Variants in DOCK8 observed in about 807,000 individuals in gnomAD.
DOCK8 encodes dedicator of cytokinesis protein 8.
DOCK8 carries 141 observed loss-of-function variants against 245.6 expected under a neutral mutation model. That is an observed-to-expected ratio of 0.57 (90% CI 0.50 to 0.66). The LOEUF is 0.66. DOCK8 is among the 30% of genes least tolerant of loss of function. DOCK8 has a pLI of 0.00. For missense variants in DOCK8, 2,965 were observed against 2,603.4 expected, an observed-to-expected ratio of 1.14 and a Z score of -3.02; for synonymous variants, 1,168 against 970.2, an observed-to-expected ratio of 1.20 and a Z score of -3.79.
At chr9:214,512 C>A (rs748123714), upstream of DOCK8, 8 of 1,612,790 alleles carry the variant, frequency 5.0e-6, no homozygotes, top group Non-Finnish European at 6.8e-6. Flanking sequence ...CCTAGCCTTA[C>A]GAATCCCTGG....
intron 28 of DOCK8, among the ~76,000 whole-genome samples, chr9:414,131 C>CAA (rs199980516): frequency 0.16 from 21,245 of 136,028 alleles, 1,653 homozygotes; most frequent in Admixed American, 0.18. Flanking sequence ...AACTCCATGT[C>CAA]AAAAAAAAAA....
In DOCK8 at chr9:377,190, A is replaced by G. The variant is rs755092523; in HGVS notation, c.2419A>G (p.Met807Val). 5.6e-6 allele frequency: 9 copies of G among 1,597,468 alleles called. No homozygotes were observed. Among genetic ancestry groups the G allele is most frequent in the East Asian group, 4.5e-5 (2 of 44,688 alleles). ...GCTCTTCCAGCTGTCCGTGCAGCCC[A>G]TGGTCATCGCTGGCCAGACAGGTAT... ...DKLFQLSVQP[M>V]VIAGQTANFS... The change falls in exon 20 of 48, where the codon ATG becomes GTG. Residue 807 changes from methionine (M) to valine (V), a missense_variant. Physicochemically the swap from Met to Val is conservative, Grantham distance 21. Transcript: ENST00000432829.
At chr9:255,115 T>TA (rs1563844227) in intron 1 of DOCK8, among the ~76,000 whole-genome samples, 3 of 151,802 alleles carry the variant, frequency 2.0e-5, no homozygotes, top group African/African-American at 7.3e-5. Flanking sequence ...TTAAGTTCTC[T>TA]AAAAAAAGAA....
intron 5 of DOCK8, among the ~76,000 whole-genome samples, chr9:309,498 A>T (rs558590650): frequency 6.6e-6 from 1 of 152,198 alleles, no homozygotes; most frequent in African/African-American, 2.4e-5. Context: ...GTCCTACAAC[A>T]TATAGTTGAT....
chr9:251,678 T>G (rs1449157053), intron 1 of DOCK8, among the ~76,000 whole-genome samples: 2 of 152,290 alleles, frequency 1.3e-5, no homozygotes, highest in South Asian at 2.1e-4. Flanking sequence ...TAACCTTTCT[T>G]GGCTTCAGTT....
rs1318534289 is a variant in DOCK8 at position 214,881 on chromosome 9, G to A, written c.-96G>A. 5 of 1,601,838 alleles carry A rather than the reference G, an allele frequency of 3.1e-6. No homozygotes were observed. In the Admixed American group the frequency reaches 5.1e-5, roughly 16 times the overall value. On this transcript the variant is annotated 5_prime_UTR_variant, in exon 1 of 48. Coordinates refer to ENST00000432829, the MANE Select transcript of DOCK8 (RefSeq NM_203447.4). ...GCGCCGACCGACAGACGAGGTTTGC[G>A]CTTGGCTGGGCATGTTCCGCGGCTA...
At chr9:223,229 A>G (rs1035482973) in intron 1 of DOCK8, among the ~76,000 whole-genome samples, 4 of 152,240 alleles carry the variant, frequency 2.6e-5, no homozygotes, top group African/African-American at 9.6e-5. Flanking sequence ...TAAGAAAAAC[A>G]GAAGTTAATA....
At chr9:455,533 G>A (rs1448350793) in intron 46 of DOCK8, among the ~76,000 whole-genome samples, 1 of 152,024 alleles carries the variant, frequency 6.6e-6, no homozygotes, top group Non-Finnish European at 1.5e-5. Flanking sequence ...GAAAAATGCA[G>A]ATTCTGATTC....
At chr9:287,290 C>T (rs141620973) in intron 3 of DOCK8, among the ~76,000 whole-genome samples, 1,594 of 152,190 alleles carry the variant, frequency 0.01, 22 homozygotes, top group African/African-American at 0.036. Context: ...TAGGCTTGGG[C>T]ATTAGTTTTT....
intron 8 of DOCK8, among the ~76,000 whole-genome samples, chr9:327,807 C>T (rs1476148353): frequency 6.6e-6 from 1 of 152,166 alleles, no homozygotes; most frequent in African/African-American, 2.4e-5. Context: ...TTAAATGTTT[C>T]AAGGAACATC....
intron 22 of DOCK8, among the ~76,000 whole-genome samples, chr9:383,362 G>T (rs183878653): frequency 6.6e-6 from 1 of 152,122 alleles, no homozygotes; most frequent in South Asian, 2.1e-4. Flanking sequence ...GTGAAACCCC[G>T]TCTCTACTAA....
In DOCK8 at chr9:430,114, C is replaced by G. The variant is rs10758576; in HGVS notation, c.4626+260C>G. On this transcript the variant is annotated intron_variant, in intron 36 of 47. Transcript: ENST00000432829. ...CAGGGGCCAGGAACGATGGCTTTCA[C>G]CTATAATCCCAGCACTTTGGGAGGC... Among the ~76,000 whole-genome samples, 95,078 of 152,132 alleles carry G rather than the reference C, an allele frequency of 0.62. 32,299 individuals are homozygous for G. The highest frequency in any genetic ancestry group is 0.98 in the East Asian group (5,104 of 5,190).
intron 2 of DOCK8, among the ~76,000 whole-genome samples, chr9:273,987 T>A (rs2048242743): frequency 6.6e-6 from 1 of 152,184 alleles, no homozygotes; most frequent in African/African-American, 2.4e-5. Flanking sequence ...ATTACGAGCA[T>A]GAGCCACCAT....
intron 26 of DOCK8, among the ~76,000 whole-genome samples, chr9:403,853 T>G (rs1272398958): frequency 9.1e-6 from 1 of 110,234 alleles, no homozygotes; most frequent in African/African-American, 3.4e-5. Context: ...AGAGCAAGAC[T>G]CTGTATCTCT....
At chr9:394,986 G>C (rs898886369) in intron 24 of DOCK8, among the ~76,000 whole-genome samples, 1 of 152,328 alleles carries the variant, frequency 6.6e-6, no homozygotes, top group East Asian at 1.9e-4. Flanking sequence ...AGTTCTGAAA[G>C]CCTTAGTGCT....
intron 46 of DOCK8, among the ~76,000 whole-genome samples, chr9:455,849 A>G (rs573507086): frequency 6.9e-6 from 1 of 144,298 alleles, no homozygotes; most frequent in Admixed American, 7.5e-5. Context: ...TTATGTGAGA[A>G]CAAAAAAAAA....
intron 18 of DOCK8, among the ~76,000 whole-genome samples, chr9:374,216 C>T (rs191898012): frequency 8.0e-4 from 122 of 152,070 alleles, no homozygotes; most frequent in African/African-American, 2.7e-3. Flanking sequence ...CTCTTAGTAT[C>T]CTTTAAACCT....
At chr9:211,676 A>G (rs369644777), upstream of DOCK8, among the ~76,000 whole-genome samples, 12 of 152,268 alleles carry the variant, frequency 7.9e-5, no homozygotes, top group African/African-American at 2.9e-4. Context: ...GGAGGAAAAA[A>G]AGTTAGAGCT....
intron 1 of DOCK8, among the ~76,000 whole-genome samples, chr9:251,463 CA>C (rs1487077195): frequency 6.6e-6 from 1 of 152,202 alleles, no homozygotes; most frequent in Non-Finnish European, 1.5e-5. Flanking sequence ...TTTTAGTAGT[CA>C]GGGGCAAAGC....
Sources: allele counts gnomAD v4.1 joint callset (sites outside exome capture counted in the v4.1 genomes callset), GRCh38; gene constraint gnomAD v4.1.1; transcripts MANE v1.5; gene names NCBI Gene and HGNC (gene_info 2026-07-23, HGNC 2026-07-21).